The following PLEKHB2 variants were observed in gnomAD, a reference collection of about 807,000 sequenced individuals.
PLEKHB2 encodes the protein pleckstrin homology domain-containing family B member 2.
Under a neutral mutation model 36.5 loss-of-function variants are expected in PLEKHB2, and 31 were observed. That is an observed-to-expected ratio of 0.85 (90% confidence interval 0.64 to 1.15). The LOEUF is 1.15. Among genes scored for constraint, PLEKHB2 ranks in the 50% most tolerant of loss-of-function variants. The pLI is 0.00. For synonymous variants in PLEKHB2, 119 were observed against 112.0 expected, an observed-to-expected ratio of 1.06 and a Z score of -0.39; for missense variants, 262 against 295.3, an observed-to-expected ratio of 0.89 and a Z score of 0.83.
At chr2:131,139,927 T>G (rs1052741933) in intron 6 of PLEKHB2, among the ~76,000 whole-genome samples, 2 of 152,226 alleles carry the variant, frequency 1.3e-5, no homozygotes, top group African/African-American at 4.8e-5. Flanking sequence ...AGTCCAGTTC[T>G]CTTCTTTTGT....
At chr2:131,144,315 G>A (rs1699075183) in intron 7 of PLEKHB2, 1 of 445,974 alleles carries the variant, frequency 2.2e-6, no homozygotes, top group Non-Finnish European at 3.7e-6. Context: ...TAACCCGCTA[G>A]TGGGTGTTCG....
At chr2:131,145,580 C>A (rs1699201546) in intron 7 of PLEKHB2, among the ~76,000 whole-genome samples, 1 of 152,118 alleles carries the variant, frequency 6.6e-6, no homozygotes, top group African/African-American at 2.4e-5. Flanking sequence ...AGTGATCCAC[C>A]TGCCTCAGCC....
At chr2:131,117,346 G>A (rs944355590) in intron 1 of PLEKHB2, among the ~76,000 whole-genome samples, 4 of 152,170 alleles carry the variant, frequency 2.6e-5, no homozygotes, top group African/African-American at 9.7e-5. Flanking sequence ...AGAATTGCTT[G>A]AACCTGGGAG....
intron 1 of PLEKHB2, among the ~76,000 whole-genome samples, chr2:131,112,762 T>A (rs772728699): frequency 3.1e-4 from 47 of 152,140 alleles, no homozygotes; most frequent in Non-Finnish European, 5.6e-4. Flanking sequence ...TCAGCTTGTC[T>A]GGAAACTACA....
intron 5 of PLEKHB2, among the ~76,000 whole-genome samples, 183 bp downstream of exon 5, chr2:131,130,943 G>A (rs1456830915): frequency 2.0e-5 from 3 of 151,976 alleles, no homozygotes; most frequent in Non-Finnish European, 2.9e-5. Context: ...ATGCTACCAC[G>A]CCCAGCTTAT....
Position 131,148,380 on chromosome 2 carries a change from T to C in PLEKHB2, c.*1607T>C, listed in dbSNP as rs1365392759. On this transcript the variant is annotated 3_prime_UTR_variant, in exon 8 of 8. Transcript: ENST00000693505. ...TATTCATATTTCTGTTATTTCTTGT[T>C]TTCAAGCTCTGAATTATTGCAGTTT... The C allele has an allele frequency of 1.3e-5, 2 of 152,234 alleles. No individual in the cohort carries two copies. The highest frequency in any genetic ancestry group is 2.4e-5 in the African/African-American group (1 of 41,458). 9.4% of individuals were successfully genotyped at this position (152,234 alleles called of 1,614,324 possible).
chr2:131,146,503 T>G, intron 7 of PLEKHB2, 134 bp from the exon 8 acceptor site: 5 of 811,604 alleles, frequency 6.2e-6, no homozygotes, highest in Non-Finnish European at 9.5e-6. Flanking sequence ...GATGTGCCTG[T>G]TGTGGAGGAG....
chr2:131,132,912 G>A lies in PLEKHB2; in HGVS notation c.344G>A (p.Gly115Asp), dbSNP rs1697856954. Reference protein sequence around the residue: ...QDSRTNTAYVGSAVMTDETSV... With the variant: ...QDSRTNTAYVDSAVMTDETSV... ...TCCTGTCTCCCGCAGGCGTATGTGGGCTCTGCAGTCATGACCGATGAGACA... is the reference window on the plus strand; with the variant it reads ...TCCTGTCTCCCGCAGGCGTATGTGGACTCTGCAGTCATGACCGATGAGACA... Residue 115 changes from glycine to aspartate, a missense_variant, in exon 6 of 8, where the codon GGC (glycine) becomes GAC (aspartate). Coordinates refer to ENST00000693505, the MANE Select transcript of PLEKHB2 (RefSeq NM_001100623.2). 6 of 1,608,034 alleles carry A rather than the reference G, an allele frequency of 3.7e-6. No homozygotes were observed. The East Asian group carries it at 6.7e-5, about 18-fold the overall frequency.
At chr2:131,114,346 C>G (rs531133964) in intron 1 of PLEKHB2, among the ~76,000 whole-genome samples, 90 of 152,214 alleles carry the variant, frequency 5.9e-4, no homozygotes, top group African/African-American at 2.1e-3. Context: ...GGATGGTCTC[C>G]ATCTCCTGAC....
chr2:131,120,941 G>T lies in PLEKHB2; in HGVS notation c.-1G>T. 3.7e-6 allele frequency: 6 copies of T among 1,614,250 alleles called. No individual in the cohort carries two copies. The highest frequency in any genetic ancestry group is 5.1e-6 in the Non-Finnish European group (6 of 1,180,016). On this transcript the variant is annotated 5_prime_UTR_variant, in exon 2 of 8. Coordinates refer to ENST00000693505, the MANE Select transcript of PLEKHB2 (RefSeq NM_001100623.2). ...CCTGTTTTTGTTCTGTAGGTGAAGAGATGGCGTTTGTGAAGAGTGGCTGGT... is the reference window on the plus strand; with the variant it reads ...CCTGTTTTTGTTCTGTAGGTGAAGATATGGCGTTTGTGAAGAGTGGCTGGT...
At chr2:131,117,582 C>G (rs1452048550) in intron 1 of PLEKHB2, among the ~76,000 whole-genome samples, 2 of 152,068 alleles carry the variant, frequency 1.3e-5, no homozygotes, top group Non-Finnish European at 2.9e-5. Flanking sequence ...GTTCTCAGTA[C>G]CTTTTCTAGT....
At chr2:131,111,509 A>AGATGGAGTCTCACTCCAGTCACCCAG in intron 1 of PLEKHB2, among the ~76,000 whole-genome samples, 1 of 133,228 alleles carries the variant, frequency 7.5e-6, no homozygotes, top group South Asian at 2.3e-4. Context: ...TTTTTTTTTG[A>AGATGGAGTCTCACTCCAGTCACCCAG]GATGGAGTCT....
rs1698636562 is a variant in PLEKHB2 at position 131,140,149 on chromosome 2, G to A, written c.424-18G>A. ...GAGGTTTCACAATTGTATTTCTAAT[G>A]GGCCTGTTTCTTTTCAGCAGGCTTA... On this transcript the variant is annotated intron_variant, in intron 6 of 7. Coordinates refer to ENST00000693505, the MANE Select transcript of PLEKHB2 (RefSeq NM_001100623.2). 1 of 1,472,238 alleles carries A rather than the reference G, an allele frequency of 6.8e-7. No homozygotes were observed. Among genetic ancestry groups the A allele is most frequent in the East Asian group, 2.3e-5 (1 of 44,164 alleles). The allele number at this position is 1,472,238 out of a possible 1,614,324, so 91.2% of individuals were successfully genotyped here.
At chr2:131,119,208 A>G (rs1160501680) in intron 1 of PLEKHB2, among the ~76,000 whole-genome samples, 4 of 152,068 alleles carry the variant, frequency 2.6e-5, no homozygotes, top group Admixed American at 2.6e-4. Context: ...GTGAGCTGAG[A>G]TCGCGCCACT....
chr2:131,108,137 G>C (rs917370800), intron 1 of PLEKHB2: 1 of 152,166 alleles, frequency 6.6e-6, no homozygotes, highest in African/African-American at 2.4e-5. Context: ...GGCAAAGTAG[G>C]CTTCAGGCTT....
chr2:131,146,932 C>T lies in PLEKHB2; in HGVS notation c.*159C>T. ...ATTGTACTAATCCACATAAGTACCA[C>T]AGAGAAGGGTTTGAACTGTGCTATT... On this transcript the variant is annotated 3_prime_UTR_variant, in exon 8 of 8. Coordinates refer to ENST00000693505, the MANE Select transcript of PLEKHB2 (RefSeq NM_001100623.2). The T allele has an allele frequency of 1.7e-6, 1 of 604,860 alleles. No individual in the cohort carries two copies. The highest frequency in any genetic ancestry group is 3.0e-5 in the East Asian group (1 of 33,420). 37.5% of individuals were successfully genotyped at this position (604,860 alleles called of 1,614,324 possible).
intron 6 of PLEKHB2, among the ~76,000 whole-genome samples, chr2:131,135,767 A>ATTT (rs199710162): frequency 2.7e-5 from 4 of 150,170 alleles, no homozygotes; most frequent in African/African-American, 1.0e-4. Context: ...TGCCCGGCTA[A>ATTT]TTTTTTTATT....
intron 1 of PLEKHB2, among the ~76,000 whole-genome samples, chr2:131,111,591 C>T (rs895259661): frequency 8.0e-5 from 12 of 150,214 alleles, no homozygotes; most frequent in African/African-American, 2.2e-4. Context: ...CCCGGGTTCA[C>T]GCCATTCTCC....
intron 1 of PLEKHB2, among the ~76,000 whole-genome samples, chr2:131,112,799 A>G (rs1172999773): frequency 6.6e-6 from 1 of 152,190 alleles, no homozygotes; most frequent in Non-Finnish European, 1.5e-5. Flanking sequence ...AAAAACCCCA[A>G]GTCCCTTTAA....
Sources: allele counts gnomAD v4.1 joint callset (sites outside exome capture counted in the v4.1 genomes callset), GRCh38; gene constraint gnomAD v4.1.1; transcripts MANE v1.5; gene names NCBI Gene and HGNC (gene_info 2026-07-23, HGNC 2026-07-21).